SEC14L1: variants seen among roughly 807,000 people sequenced by gnomAD.
The protein encoded by SEC14L1 is SEC14 like lipid binding 1.
Under a neutral mutation model 85.3 loss-of-function variants are expected in SEC14L1, and 48 were observed. The ratio of observed to expected loss-of-function variants is 0.56; its 90% CI spans 0.45 to 0.72. SEC14L1 has a LOEUF of 0.72. SEC14L1 is among the 30% of genes least tolerant of loss of function. SEC14L1 has a pLI of 0.00. For synonymous variants in SEC14L1, 391 were observed against 355.5 expected (o/e 1.10, Z -1.12); for missense variants, 682 against 921.4 (o/e 0.74, Z 3.36).
intron 3 of SEC14L1, among the ~76,000 whole-genome samples, chr17:77,115,845 T>A (rs1448591251): frequency 6.6e-6 from 1 of 152,136 alleles, no homozygotes; most frequent in African/African-American, 2.4e-5. Context: ...ATTTAAAATC[T>A]TCTTTATCAA....
At chr17:77,157,396 G>A (rs901607710) in intron 3 of SEC14L1, among the ~76,000 whole-genome samples, 1 of 152,162 alleles carries the variant, frequency 6.6e-6, no homozygotes, top group African/African-American at 2.4e-5. Flanking sequence ...GGTGAGTCCC[G>A]CAGTCTGTGG....
At chr17:77,159,554 T>C (rs1973965839) in intron 3 of SEC14L1, among the ~76,000 whole-genome samples, 1 of 151,836 alleles carries the variant, frequency 6.6e-6, no homozygotes, top group African/African-American at 2.4e-5. Flanking sequence ...CTAATTTTTG[T>C]ATTTTTAGTA....
At chr17:77,104,841 T>G (rs1971872590) in intron 3 of SEC14L1, among the ~76,000 whole-genome samples, 1 of 148,984 alleles carries the variant, frequency 6.7e-6, no homozygotes, top group African/African-American at 2.5e-5. Context: ...TGTGTCAAGG[T>G]TGAGGACACG....
chr17:77,199,029 G>T (rs1975972417), intron 8 of SEC14L1: 1 of 145,516 alleles, frequency 6.9e-6, no homozygotes, highest in African/African-American at 2.5e-5. Flanking sequence ...TTTTGAGATG[G>T]AGTTTCGCTC....
At chr17:77,183,031 C>G (rs1358428281) in intron 3 of SEC14L1, among the ~76,000 whole-genome samples, 1 of 152,218 alleles carries the variant, frequency 6.6e-6, no homozygotes, top group Non-Finnish European at 1.5e-5. Context: ...TCGGGCAGAC[C>G]TAAAATTTGT....
At chr17:77,089,143 T>C (rs1350966261) in intron 1 of SEC14L1, 1 of 296,904 alleles carries the variant, frequency 3.4e-6, no homozygotes, top group Admixed American at 4.4e-5. Flanking sequence ...ATGTTACTTT[T>C]TCCCCCAAGG....
intron 3 of SEC14L1, among the ~76,000 whole-genome samples, chr17:77,155,769 T>C (rs1035009086): frequency 1.3e-5 from 2 of 152,208 alleles, no homozygotes; most frequent in Non-Finnish European, 2.9e-5. Flanking sequence ...AGAATCTCGC[T>C]CTGTTGCCCA....
At chr17:77,200,011 C>G (rs1048209235) in intron 8 of SEC14L1, among the ~76,000 whole-genome samples, 7 of 152,086 alleles carry the variant, frequency 4.6e-5, no homozygotes, top group South Asian at 2.1e-4. Context: ...TCTACAAATA[C>G]AAAAATGAGC....
intron 3 of SEC14L1, among the ~76,000 whole-genome samples, chr17:77,129,491 A>G (rs1468586573): frequency 6.6e-6 from 1 of 152,144 alleles, no homozygotes; most frequent in Non-Finnish European, 1.5e-5. Context: ...GCAGGGCTGT[A>G]GGGTGCCTGG....
chr17:77,201,311 C>T (rs907571689), intron 9 of SEC14L1, among the ~76,000 whole-genome samples: 9 of 152,168 alleles, frequency 5.9e-5, no homozygotes, highest in Admixed American at 4.6e-4. Context: ...GAAACGTCGG[C>T]GAGAGGGAAG....
chr17:77,132,125 T>C (rs554982846), intron 3 of SEC14L1, among the ~76,000 whole-genome samples: 2 of 152,308 alleles, frequency 1.3e-5, no homozygotes, highest in South Asian at 2.1e-4. Context: ...AGATGGCCCA[T>C]GTCAGGAGTA....
At chr17:77,175,957 G>GT (rs983247993) in intron 3 of SEC14L1, among the ~76,000 whole-genome samples, 9 of 152,266 alleles carry the variant, frequency 5.9e-5, no homozygotes, top group Admixed American at 3.9e-4. Flanking sequence ...AAAGGTTAAA[G>GT]TGAAGACACC....
At chr17:77,118,342 G>A (rs887774376) in intron 3 of SEC14L1, among the ~76,000 whole-genome samples, 2 of 152,218 alleles carry the variant, frequency 1.3e-5, no homozygotes, top group South Asian at 2.1e-4. Flanking sequence ...AGGTCCCTTC[G>A]GAGAGTGAAG....
chr17:77,189,631 T>G (rs1452796949), intron 3 of SEC14L1, among the ~76,000 whole-genome samples: 1 of 151,428 alleles, frequency 6.6e-6, no homozygotes, highest in Non-Finnish European at 1.5e-5. Flanking sequence ...ACAGGGGTTT[T>G]GTTTTGTTTT....
At chr17:77,148,766 G>A (rs2143553638) in intron 3 of SEC14L1, among the ~76,000 whole-genome samples, 1 of 152,314 alleles carries the variant, frequency 6.6e-6, no homozygotes, top group South Asian at 2.1e-4. Flanking sequence ...AGGTCACTTT[G>A]TGCTCCCCTG....
chr17:77,191,255 G>A lies in SEC14L1; in HGVS notation c.288G>A (p.Glu96=), dbSNP rs764972268. ...CTCGGGAACGTACTTTGCACATTGA[G>A]GCTTATAATGAAACGTTTTCCAATC... ...LNSRERTLHI[E]AYNETFSNRV... The change falls in exon 5 of 17, where the codon GAG becomes GAA. Residue 96 remains glutamate (E), a synonymous_variant. Coordinates refer to ENST00000436233, the MANE Select transcript of SEC14L1 (RefSeq NM_001143998.2). 9.9e-6 allele frequency: 16 copies of A among 1,613,996 alleles called. No individual in the cohort carries two copies. Among genetic ancestry groups the A allele is most frequent in the Non-Finnish European group, 1.3e-5 (15 of 1,179,928 alleles).
At chr17:77,164,901 A>G (rs1189787515) in intron 3 of SEC14L1, among the ~76,000 whole-genome samples, 1 of 152,214 alleles carries the variant, frequency 6.6e-6, no homozygotes, top group Non-Finnish European at 1.5e-5. Context: ...TCATGTTTAC[A>G]TTTATTCAGG....
intron 3 of SEC14L1, among the ~76,000 whole-genome samples, chr17:77,170,406 C>T (rs1237009769): frequency 1.3e-5 from 2 of 148,500 alleles, no homozygotes; most frequent in African/African-American, 4.9e-5. Flanking sequence ...TTGAGCTTTT[C>T]TTCTTTCCAA....
intron 3 of SEC14L1, among the ~76,000 whole-genome samples, chr17:77,145,812 T>C (rs1349347275): frequency 6.6e-6 from 1 of 152,136 alleles, no homozygotes; most frequent in Admixed American, 6.5e-5. Context: ...ACAGTTTTTC[T>C]CTAGGATTTT....
Sources: allele counts gnomAD v4.1 joint callset (sites outside exome capture counted in the v4.1 genomes callset), GRCh38; gene constraint gnomAD v4.1.1; transcripts MANE v1.5; gene names NCBI Gene and HGNC (gene_info 2026-07-23, HGNC 2026-07-21).